FSTL4: variants seen among roughly 807,000 people sequenced by gnomAD.
FSTL4 encodes follistatin-related protein 4.
A neutral mutation model predicts 78.2 loss-of-function variants in FSTL4; 28 were observed. The ratio of observed to expected loss-of-function variants is 0.36; its 90% confidence interval spans 0.27 to 0.49. The LOEUF (loss-of-function observed/expected upper bound fraction) is 0.49, where lower values mean the gene tolerates loss of function less well. Ranked by LOEUF, FSTL4 falls within the 20% of genes least tolerant of loss-of-function variation. The pLI, the probability that FSTL4 is intolerant of heterozygous loss-of-function variation, is 0.98. For missense variants in FSTL4, 922 were observed against 1,084.9 expected, an observed-to-expected ratio of 0.85 and a Z score of 2.11; for synonymous variants, 422 against 440.5, an observed-to-expected ratio of 0.96 and a Z score of 0.53.
the FSTL4 span, among the ~76,000 whole-genome samples, chr5:133,703,381 G>C: frequency 6.6e-6 from 1 of 152,088 alleles, no homozygotes; most frequent in African/African-American, 2.4e-5. Context: ...ACAAAGCCAG[G>C]GTCGGCTCCT....
At chr5:133,735,503 A>G in the FSTL4 span, among the ~76,000 whole-genome samples, 1 of 152,016 alleles carries the variant, frequency 6.6e-6, no homozygotes, top group Non-Finnish European at 1.5e-5. Context: ...ATTCCTCACG[A>G]TGGCTTTTTC....
intron 6 of FSTL4, among the ~76,000 whole-genome samples, chr5:133,255,911 C>CACT (rs1352075331): frequency 1.3e-5 from 2 of 152,190 alleles, no homozygotes; most frequent in African/African-American, 4.8e-5. Context: ...CTCGATAAGA[C>CACT]ACTCATAAAC....
At chr5:133,797,942 G>A in the FSTL4 span, among the ~76,000 whole-genome samples, 2 of 152,018 alleles carry the variant, frequency 1.3e-5, no homozygotes, top group Non-Finnish European at 2.9e-5. Flanking sequence ...GCACAGCCAC[G>A]AAAACCCAGA....
At chr5:133,691,944 T>C in the FSTL4 span, among the ~76,000 whole-genome samples, 1 of 152,144 alleles carries the variant, frequency 6.6e-6, no homozygotes, top group African/African-American at 2.4e-5. Flanking sequence ...ATATACAAAT[T>C]AATAGCACAC....
At chr5:133,589,151 G>A (rs1760566348) in intron 2 of FSTL4, among the ~76,000 whole-genome samples, 1 of 55,976 alleles carries the variant, frequency 1.8e-5, no homozygotes, top group South Asian at 7.3e-4. Flanking sequence ...TCGGGGGAGG[G>A]GGGAGGGATA....
chr5:133,524,453 A>G (rs942856606), intron 3 of FSTL4, among the ~76,000 whole-genome samples: 3 of 152,018 alleles, frequency 2.0e-5, no homozygotes, highest in African/African-American at 7.3e-5. Flanking sequence ...AGCGGTGTCA[A>G]CTCTGAGGAG....
At chr5:133,798,289 A>T in the FSTL4 span, among the ~76,000 whole-genome samples, 16 of 152,222 alleles carry the variant, frequency 1.1e-4, no homozygotes, top group Non-Finnish European at 2.1e-4. Context: ...TTGGAATGTT[A>T]TAATCCTTGA....
At chr5:133,796,583 TC>T in the FSTL4 span, among the ~76,000 whole-genome samples, 6 of 152,080 alleles carry the variant, frequency 3.9e-5, no homozygotes, top group African/African-American at 1.4e-4. Flanking sequence ...AGCAGCCAAA[TC>T]CCTCTCCGAC....
chr5:133,395,688 C>G (rs1756017555), intron 4 of FSTL4, among the ~76,000 whole-genome samples: 1 of 152,022 alleles, frequency 6.6e-6, no homozygotes, highest in Non-Finnish European at 1.5e-5. Context: ...TAATCACTTG[C>G]TCTTCCCGGA....
At chr5:133,773,715 A>G in the FSTL4 span, among the ~76,000 whole-genome samples, 1 of 152,120 alleles carries the variant, frequency 6.6e-6, no homozygotes, top group Non-Finnish European at 1.5e-5. Flanking sequence ...CATCCTGCTC[A>G]TGCCTTTATA....
At chr5:133,825,135 C>T in the FSTL4 span, among the ~76,000 whole-genome samples, 1 of 152,198 alleles carries the variant, frequency 6.6e-6, no homozygotes, top group Non-Finnish European at 1.5e-5. Flanking sequence ...GCTGCACTCA[C>T]ACAGAGACTC....
At chr5:133,397,137 G>A (rs1487703067) in intron 4 of FSTL4, among the ~76,000 whole-genome samples, 4 of 152,228 alleles carry the variant, frequency 2.6e-5, no homozygotes, top group Non-Finnish European at 5.9e-5. Flanking sequence ...AGGAGATAAA[G>A]CGTGAATTCA....
intron 4 of FSTL4, among the ~76,000 whole-genome samples, chr5:133,398,250 G>A (rs1210561661): frequency 2.0e-5 from 3 of 152,160 alleles, no homozygotes; most frequent in Non-Finnish European, 2.9e-5. Flanking sequence ...GGGAATGATC[G>A]AGGAGAGGCA....
the FSTL4 span, among the ~76,000 whole-genome samples, chr5:133,677,801 A>G: frequency 1.3e-5 from 2 of 152,226 alleles, no homozygotes; most frequent in Non-Finnish European, 1.5e-5. Context: ...GTGTTTATTC[A>G]TTTATTTATG....
intron 3 of FSTL4, among the ~76,000 whole-genome samples, chr5:133,511,731 G>A (rs1046365358): frequency 6.6e-6 from 1 of 152,166 alleles, no homozygotes; most frequent in Non-Finnish European, 1.5e-5. Flanking sequence ...GGAACCAGAG[G>A]GATCCAAGCC....
At chr5:133,644,119 A>ACTGT in the FSTL4 span, among the ~76,000 whole-genome samples, 1 of 152,176 alleles carries the variant, frequency 6.6e-6, no homozygotes, top group Admixed American at 6.5e-5. Flanking sequence ...CCAGGGCCAC[A>ACTGT]GGGATGCACT....
intron 6 of FSTL4, among the ~76,000 whole-genome samples, chr5:133,288,428 C>A (rs935485169): frequency 1.3e-5 from 2 of 152,190 alleles, no homozygotes; most frequent in South Asian, 2.1e-4. Context: ...TCTGCCCAGG[C>A]CCCACTCCTG....
chr5:133,712,540 G>A, the FSTL4 span, among the ~76,000 whole-genome samples: 1 of 152,188 alleles, frequency 6.6e-6, no homozygotes, highest in Non-Finnish European at 1.5e-5. Flanking sequence ...CTCAACATCC[G>A]TAAAGTGGGG....
At chr5:133,827,047 C>G in the FSTL4 span, among the ~76,000 whole-genome samples, 1 of 152,204 alleles carries the variant, frequency 6.6e-6, no homozygotes. Flanking sequence ...GGAGCAGGAA[C>G]TTTGTGGGTC....
Sources: gnomAD v4.1 joint callset for allele counts (sites outside exome capture counted in the v4.1 genomes callset) on GRCh38, gnomAD v4.1.1 for gene constraint, MANE v1.5 for transcripts, NCBI Gene and HGNC (gene_info 2026-07-23, HGNC 2026-07-21) for gene names.